The following MTMR10 variants were observed in gnomAD, a reference collection of about 807,000 sequenced individuals.
MTMR10 encodes myotubularin related protein 10.
In MTMR10, 56 loss-of-function variants were observed where a neutral mutation model predicts 88.1. That is an observed-to-expected ratio of 0.64 (90% CI 0.51 to 0.79). MTMR10 has a LOEUF of 0.79. MTMR10 is among the 30% of genes least tolerant of loss of function. The pLI is 0.00. For synonymous variants in MTMR10, 380 were observed against 340.9 expected (o/e 1.11, Z -1.26); for missense variants, 883 against 924.7 (o/e 0.95, Z 0.58).
the MTMR10 span, chr15:30,930,499 C>T: frequency 8.0e-4 from 1,244 of 1,555,150 alleles, 1 homozygote; most frequent in African/African-American, 0.012. Flanking sequence ...TTTCCATTCT[C>T]TGTCACGAGG....
chr15:30,972,771 C>T (rs148573041), intron 5 of MTMR10, among the ~76,000 whole-genome samples: 1 of 152,228 alleles, frequency 6.6e-6, no homozygotes, highest in Admixed American at 6.5e-5. Flanking sequence ...CACACTGCCT[C>T]AACATGAAAA....
At chr15:30,986,106 CAGG>C (rs1274396794) in intron 2 of MTMR10, among the ~76,000 whole-genome samples, 1 of 152,070 alleles carries the variant, frequency 6.6e-6, no homozygotes, top group Non-Finnish European at 1.5e-5. Context: ...TGCTTGAGCC[CAGG>C]AGTTCGAAAC....
In MTMR10 at chr15:30,974,077, G is replaced by A. The variant is rs565011338; in HGVS notation, c.474+237C>T. On this transcript the variant is annotated intron_variant, in intron 5 of 15. Coordinates refer to ENST00000435680, the MANE Select transcript of MTMR10 (RefSeq NM_017762.3). Reference sequence around the variant, plus strand: ...TAAAAAAATGCTAATTTCCACGTAAGAGTCTTTAATATTTGAGAAGCTGAT... The same window carrying A: ...TAAAAAAATGCTAATTTCCACGTAAAAGTCTTTAATATTTGAGAAGCTGAT... 5.9e-5 allele frequency among the ~76,000 whole-genome samples: 9 copies of A among 152,260 alleles called. No individual in the cohort carries two copies. In the South Asian group the frequency reaches 1.9e-3, roughly 32 times the overall value.
rs8023700 is a variant in MTMR10, at chr15:30,942,297, G to A, written c.1732-225C>T. 4.0e-3 allele frequency: 2,421 copies of A among 603,714 alleles called. 46 individuals are homozygous for A. The highest frequency in any genetic ancestry group is 0.039 in the African/African-American group (2,132 of 54,030). The allele number at this position is 603,714 out of a possible 1,614,324, so 37.4% of individuals were successfully genotyped here. ...GCTGTTACTATCAGCCTGAATGGGG[G>A]CGGGATGAGAGTACCTCCTATCCAC... On this transcript the variant is annotated intron_variant, in intron 15 of 15. Coordinates refer to ENST00000435680, the MANE Select transcript of MTMR10 (RefSeq NM_017762.3).
At chr15:30,942,105 A>T (rs2063075129) in intron 15 of MTMR10, 33 bp from the exon 16 acceptor site, 1 of 1,574,574 alleles carries the variant, frequency 6.4e-7, no homozygotes, top group African/African-American at 1.4e-5. Context: ...TGTTCCGGGG[A>T]TTCCCTTTTT....
At chr15:30,991,068 A>T (rs1031986848) in intron 1 of MTMR10, among the ~76,000 whole-genome samples, 4 of 152,190 alleles carry the variant, frequency 2.6e-5, no homozygotes, top group Non-Finnish European at 2.9e-5. Context: ...GTTCACATTT[A>T]TGACAGACGG....
At chr15:30,960,467 T>C (rs1451002790) in intron 7 of MTMR10, among the ~76,000 whole-genome samples, 5 of 152,144 alleles carry the variant, frequency 3.3e-5, no homozygotes, top group Admixed American at 3.3e-4. Flanking sequence ...ATATCTACAA[T>C]GTGGAAAATT....
chr15:30,922,902 G>T, the MTMR10 span, among the ~76,000 whole-genome samples: 131 of 152,366 alleles, frequency 8.6e-4, 1 homozygote, highest in Middle Eastern at 3.4e-3. Flanking sequence ...CGATCTAGGG[G>T]CACTTGGAAG....
intron 2 of MTMR10, among the ~76,000 whole-genome samples, chr15:30,983,911 T>C (rs543719523): frequency 5.3e-5 from 8 of 152,240 alleles, no homozygotes; most frequent in Admixed American, 2.0e-4. Flanking sequence ...GTCCAGTGAG[T>C]AGCACTCAGG....
chr15:30,930,986 G>A, the MTMR10 span, among the ~76,000 whole-genome samples: 582 of 152,258 alleles, frequency 3.8e-3, 3 homozygotes, highest in Middle Eastern at 0.017. Context: ...CAAAGGGAGG[G>A]GGTCACAACG....
Position 30,941,997 on chromosome 15 carries a change from G to C in MTMR10, c.1807C>G (p.Pro603Ala), listed in dbSNP as rs371202080. The C allele has an allele frequency of 3.1e-6, 5 of 1,614,004 alleles. No individual in the cohort carries two copies. In the African/African-American group the frequency reaches 5.3e-5, roughly 17 times the overall value. The change falls in exon 16 of 16, where the codon CCA becomes GCA. Residue 603 changes from proline (P) to alanine (A), a missense_variant. By Grantham distance (27) the Pro-to-Ala change is conservative. Coordinates refer to ENST00000435680, the MANE Select transcript of MTMR10 (RefSeq NM_017762.3). ...TTTAATATCAATGAATTTCTCCTTG[G>C]AAGTAATTCTTGGTCACTGATGATT... The part of the protein sequence containing the change: ...NGIISDQELL[P>A]RRNSLILKPK...
chr15:30,982,770 T>A (rs951133110), intron 2 of MTMR10, among the ~76,000 whole-genome samples: 1 of 152,228 alleles, frequency 6.6e-6, no homozygotes, highest in Non-Finnish European at 1.5e-5. Context: ...TTTAAAATAT[T>A]TGGATCATGT....
chr15:30,920,698 C>T, the MTMR10 span: 59,910 of 1,135,814 alleles, frequency 0.053, 2,200 homozygotes, highest in Admixed American at 0.15. Flanking sequence ...GATGTGATGG[C>T]GTTAAACATG....
chr15:30,945,929 C>T (rs1213202684), intron 14 of MTMR10, among the ~76,000 whole-genome samples: 1 of 152,238 alleles, frequency 6.6e-6, no homozygotes. Context: ...GCTGGGACCA[C>T]AGGTGCGCAC....
At chr15:30,959,174 G>A in intron 7 of MTMR10, 53 bp from the exon 8 acceptor site, 1 of 1,439,956 alleles carries the variant, frequency 6.9e-7, no homozygotes, top group Non-Finnish European at 9.5e-7. Context: ...CAGGAATAGT[G>A]TGCTCCTGCA....
At chr15:30,979,579 C>G (rs987194660) in intron 2 of MTMR10, among the ~76,000 whole-genome samples, 1 of 151,906 alleles carries the variant, frequency 6.6e-6, no homozygotes, top group African/African-American at 2.4e-5. Flanking sequence ...ATCACTTAAA[C>G]AAACAAACTA....
intron 3 of MTMR10, among the ~76,000 whole-genome samples, chr15:30,975,603 C>T (rs1212524122): frequency 2.6e-5 from 4 of 152,018 alleles, no homozygotes; most frequent in Admixed American, 2.0e-4. Flanking sequence ...ACACACAAGC[C>T]TATATCCAAA....
chr15:30,947,718 C>A (rs149833979), intron 13 of MTMR10, among the ~76,000 whole-genome samples: 1 of 152,192 alleles, frequency 6.6e-6, no homozygotes, highest in Non-Finnish European at 1.5e-5. Flanking sequence ...TCAGAAAACA[C>A]TTTGGGATGA....
chr15:30,987,910 C>T (rs2031054309), intron 2 of MTMR10, among the ~76,000 whole-genome samples: 1 of 150,952 alleles, frequency 6.6e-6, no homozygotes, highest in Non-Finnish European at 1.5e-5. Flanking sequence ...TGTGATGTTC[C>T]CCTCCCGGTG....
Sources: allele counts gnomAD v4.1 joint callset (sites outside exome capture counted in the v4.1 genomes callset), GRCh38; gene constraint gnomAD v4.1.1; transcripts MANE v1.5; gene names NCBI Gene and HGNC (gene_info 2026-07-23, HGNC 2026-07-21).